PALLD: variants seen among roughly 807,000 people sequenced by gnomAD.
PALLD encodes palladin.
Under a neutral mutation model 123.5 loss-of-function variants are expected in PALLD, and 61 were observed. The observed-to-expected ratio is 0.49, with a 90% CI of 0.40 to 0.61. The LOEUF is 0.61. Among genes scored for constraint, PALLD ranks in the 20% least tolerant of loss-of-function variants. The pLI is 0.00. For missense variants in PALLD, 1,273 were observed against 1,377.0 expected, an observed-to-expected ratio of 0.92 and a Z score of 1.20; for synonymous variants, 465 against 496.4, an observed-to-expected ratio of 0.94 and a Z score of 0.84.
At chr4:168,612,479 T>C (rs1444907909) in intron 2 of PALLD, among the ~76,000 whole-genome samples, 2 of 152,148 alleles carry the variant, frequency 1.3e-5, no homozygotes, top group African/African-American at 2.4e-5. Context: ...CCCAACTCCC[T>C]TGCTCCAATC....
intron 10 of PALLD, among the ~76,000 whole-genome samples, chr4:168,742,259 C>CA (rs766050343): frequency 5.3e-5 from 8 of 152,188 alleles, no homozygotes; most frequent in Non-Finnish European, 1.0e-4. Context: ...GCATCATGAA[C>CA]AAATCCATCT....
intron 11 of PALLD, 39 bp downstream of exon 11, chr4:168,891,096 T>C: frequency 1.2e-6 from 2 of 1,602,048 alleles, no homozygotes; most frequent in Non-Finnish European, 1.7e-6. Context: ...GAATGTTAGC[T>C]ACCCACATAC....
At chr4:168,852,796 C>T (rs188940116) in intron 10 of PALLD, among the ~76,000 whole-genome samples, 85 of 152,280 alleles carry the variant, frequency 5.6e-4, no homozygotes, top group East Asian at 2.1e-3. Flanking sequence ...ATGAGTTAAT[C>T]GGCTACAATT....
intron 10 of PALLD, among the ~76,000 whole-genome samples, chr4:168,870,829 C>T (rs986571541): frequency 2.6e-5 from 4 of 152,204 alleles, no homozygotes. Context: ...CATGTTTTTA[C>T]TTGTAAATAA....
rs70961555 is a variant in PALLD at position 168,761,645 on chromosome 4, GT to G, written c.1964+49753del. Among the ~76,000 whole-genome samples the G allele has an allele frequency of 4.7e-3, 417 of 87,842 alleles. 5 individuals are homozygous for G. Among genetic ancestry groups the G allele is most frequent in the African/African-American group, 0.016 (382 of 23,990 alleles). The allele number at this position is 87,842 out of a possible 152,430, so 57.6% of individuals were successfully genotyped here. A position where few individuals can be genotyped will look rare whatever the true frequency, so the allele number is the denominator to read the frequency against. On this transcript the variant is annotated intron_variant, in intron 10 of 21. Coordinates refer to ENST00000505667, the MANE Select transcript of PALLD (RefSeq NM_001166108.2). ...CCAGCTATTTTTGTTGTTGTTGTTT[GT>G]TTTTTTTTTTTTTTTTTTTTTTTTT... is the stretch of plus-strand genomic sequence containing the variant.
intron 15 of PALLD, among the ~76,000 whole-genome samples, chr4:168,906,178 T>C (rs1757759037): frequency 6.6e-6 from 1 of 152,230 alleles, no homozygotes; most frequent in Non-Finnish European, 1.5e-5. Context: ...TGGGATGGAA[T>C]TATCTGTGGT....
chr4:168,531,555 C>T (rs1764602603), intron 2 of PALLD, among the ~76,000 whole-genome samples: 1 of 152,112 alleles, frequency 6.6e-6, no homozygotes, highest in Non-Finnish European at 1.5e-5. Flanking sequence ...TATCTTCTGT[C>T]CCCATGACGG....
At chr4:168,857,255 G>A (rs892086171) in intron 10 of PALLD, among the ~76,000 whole-genome samples, 4 of 152,186 alleles carry the variant, frequency 2.6e-5, no homozygotes, top group African/African-American at 9.7e-5. Flanking sequence ...CAGAGGCAGC[G>A]CTCTGTAAGA....
intron 2 of PALLD, among the ~76,000 whole-genome samples, chr4:168,602,921 T>A (rs1772816652): frequency 7.8e-6 from 1 of 128,510 alleles, no homozygotes; most frequent in Non-Finnish European, 1.6e-5. Context: ...GGCACCACCA[T>A]GCCCAGCTAA....
At position 168,883,923 on chromosome 4, in the gene PALLD, A is replaced by AT. The variant is rs574059357; in HGVS notation, c.1965-6990dup. 8.7e-3 allele frequency among the ~76,000 whole-genome samples: 1,250 copies of AT among 143,380 alleles called. 13 individuals are homozygous for AT. The highest frequency in any genetic ancestry group is 0.03 in the African/African-American group (1,181 of 39,404). 94.1% of individuals were successfully genotyped at this position (143,380 alleles called of 152,430 possible). The stretch of plus-strand genomic sequence containing the variant: ...AACTACTAACTTTGAATACTATTTT[A>AT]TTTTTTTTTAATTGTGCAAACCATC... On this transcript the variant is annotated intron_variant, in intron 10 of 21. Transcript: ENST00000505667.
chr4:168,676,731 C>T (rs995902647), intron 3 of PALLD, among the ~76,000 whole-genome samples: 2 of 146,804 alleles, frequency 1.4e-5, no homozygotes, highest in Non-Finnish European at 3.0e-5. Flanking sequence ...GACTACCATG[C>T]CCATCTAATT....
At chr4:168,753,431 A>C (rs13115625) in intron 10 of PALLD, among the ~76,000 whole-genome samples, 1 of 144,932 alleles carries the variant, frequency 6.9e-6, no homozygotes, top group East Asian at 2.1e-4. Context: ...CTGAGTTGGG[A>C]GGGATTTGAG....
In PALLD at chr4:168,898,695, C is replaced by T. The variant is rs1755800407; in HGVS notation, c.2453C>T (p.Ala818Val). The change falls in exon 14 of 22, where the codon GCT becomes GTT. Residue 818 changes from alanine (A) to valine (V), a missense_variant. Coordinates refer to ENST00000505667, the MANE Select transcript of PALLD (RefSeq NM_001166108.2). ...CCAGTAACTTTCACATGTAGAGTGG[C>T]TGGAAATCCAAAGCCAAAGGTGAGC... ...GMPVTFTCRV[A>V]GNPKPKIYWF... The T allele has an allele frequency of 6.2e-7, 1 of 1,613,250 alleles. No individual in the cohort carries two copies.
chr4:168,526,198 C>T (rs895738021), intron 2 of PALLD, among the ~76,000 whole-genome samples: 10 of 152,282 alleles, frequency 6.6e-5, no homozygotes, highest in East Asian at 1.9e-4. Context: ...ACCTGCAATT[C>T]GGAACGTACT....
intron 10 of PALLD, among the ~76,000 whole-genome samples, chr4:168,722,680 A>G (rs1786137903): frequency 6.6e-6 from 1 of 152,184 alleles, no homozygotes; most frequent in South Asian, 2.1e-4. Context: ...AAGAGTGTAA[A>G]CCCACATTCA....
intron 2 of PALLD, among the ~76,000 whole-genome samples, chr4:168,664,036 T>C (rs574792029): frequency 6.6e-6 from 1 of 152,314 alleles, no homozygotes; most frequent in South Asian, 2.1e-4. Flanking sequence ...TACATCTCCC[T>C]CCTTGATGTT....
At chr4:168,660,490 T>G (rs550078361) in intron 2 of PALLD, among the ~76,000 whole-genome samples, 2 of 152,212 alleles carry the variant, frequency 1.3e-5, no homozygotes, top group Admixed American at 1.3e-4. Context: ...ATCCTGCTAG[T>G]GCGATAATGT....
At chr4:168,921,816 A>T in intron 18 of PALLD, 75 bp downstream of exon 18, 3 of 1,123,508 alleles carry the variant, frequency 2.7e-6, no homozygotes, top group Non-Finnish European at 4.1e-6. Flanking sequence ...ATTCTACATT[A>T]CTAACCAATA....
At chr4:168,832,852 G>C (rs1395356595) in intron 10 of PALLD, 1 of 152,282 alleles carries the variant, frequency 6.6e-6, no homozygotes, top group East Asian at 1.9e-4. Flanking sequence ...CGTGGAGCCG[G>C]CGGCTCAGTC....
Sources: gnomAD v4.1 joint callset for allele counts (sites outside exome capture counted in the v4.1 genomes callset) on GRCh38, gnomAD v4.1.1 for gene constraint, MANE v1.5 for transcripts, NCBI Gene and HGNC (gene_info 2026-07-23, HGNC 2026-07-21) for gene names.